RYR3: variants seen among roughly 807,000 people sequenced by gnomAD.
RYR3 encodes ryanodine receptor 3, also known as brain ryanodine receptor-calcium release channel.
Under a neutral mutation model 584.3 loss-of-function variants are expected in RYR3, and 207 were observed. The ratio of observed to expected loss-of-function variants is 0.35; its 90% CI spans 0.32 to 0.40. The LOEUF is 0.40. RYR3 is among the 10% of genes least tolerant of loss of function. The pLI, the probability that RYR3 is intolerant of heterozygous loss-of-function variation, is 1.00. For synonymous variants in RYR3, 2,416 were observed against 2,248.5 expected (o/e 1.07, Z -2.11); for missense variants, 5,616 against 6,089.2 (o/e 0.92, Z 2.59).
At chr15:33,468,487 C>T (rs1481193173) in intron 1 of RYR3, among the ~76,000 whole-genome samples, 2 of 152,108 alleles carry the variant, frequency 1.3e-5, no homozygotes, top group South Asian at 2.1e-4. Context: ...TTTTAAATGC[C>T]AGCATCTGTT....
intron 31 of RYR3, among the ~76,000 whole-genome samples, chr15:33,650,700 G>A (rs1452155351): frequency 1.3e-5 from 2 of 152,028 alleles, no homozygotes; most frequent in East Asian, 3.9e-4. Context: ...ACTGAACCCT[G>A]GTATAGGAAA....
At chr15:33,858,245 C>T (rs2079923902) in intron 99 of RYR3, 1 of 236,782 alleles carries the variant, frequency 4.2e-6, no homozygotes, top group Non-Finnish European at 8.3e-6. Context: ...GCTTTTGTCG[C>T]CCAGGCTGGA....
rs151262610 is a variant in RYR3, at chr15:33,829,361, G to A, written c.11335-1602G>A. Among the ~76,000 whole-genome samples the A allele has an allele frequency of 2.6e-5, 4 of 152,230 alleles. No individual in the cohort carries two copies. The East Asian group carries it at 7.7e-4, about 29-fold the overall frequency. On this transcript the variant is annotated intron_variant, in intron 85 of 103. Transcript: ENST00000634891. ...TTTTTTAAGAAATGCATTTCGTAAG[G>A]CTACAGCTGCTACAGATAGTGATTC... is the stretch of plus-strand genomic sequence containing the variant.
intron 74 of RYR3, chr15:33,815,928 T>G: frequency 2.5e-6 from 1 of 398,604 alleles, no homozygotes; most frequent in Non-Finnish European, 4.4e-6. Context: ...TATACCCATT[T>G]TAATGGTAAT....
chr15:33,659,963 T>C (rs1365971762), intron 33 of RYR3, among the ~76,000 whole-genome samples, 157 bp downstream of exon 33: 2 of 152,200 alleles, frequency 1.3e-5, no homozygotes, highest in Non-Finnish European at 2.9e-5. Context: ...ATTCAGATGG[T>C]AGAATATGCA....
intron 102 of RYR3, among the ~76,000 whole-genome samples, chr15:33,863,805 G>A (rs905332076): frequency 6.6e-6 from 1 of 152,036 alleles, no homozygotes; most frequent in Non-Finnish European, 1.5e-5. Flanking sequence ...ATATTCTATG[G>A]TAAGAATTTG....
chr15:33,576,800 T>G (rs2152506917), intron 12 of RYR3, among the ~76,000 whole-genome samples: 1 of 152,270 alleles, frequency 6.6e-6, no homozygotes, highest in African/African-American at 2.4e-5. Context: ...TAAAGGGTAT[T>G]CACACAGGAA....
At chr15:33,445,609 C>CT (rs1384692900) in intron 1 of RYR3, among the ~76,000 whole-genome samples, 1 of 149,954 alleles carries the variant, frequency 6.7e-6, no homozygotes, top group East Asian at 2.0e-4. Context: ...ATATAAATTC[C>CT]TTTCCCTCCT....
intron 36 of RYR3, among the ~76,000 whole-genome samples, chr15:33,668,062 T>TAA (rs764522104): frequency 1.2e-4 from 1 of 8,434 alleles, no homozygotes. Context: ...GACTCAGTCT[T>TAA]GAAAAAAAAA....
At chr15:33,845,133 C>G (rs1264482964) in intron 93 of RYR3, 71 bp downstream of exon 93, 2 of 1,516,700 alleles carry the variant, frequency 1.3e-6, no homozygotes, top group Non-Finnish European at 1.8e-6. Flanking sequence ...GCCCAGCCAG[C>G]CCTTTGCTCT....
chr15:33,772,828 C>T (rs1235640278), intron 63 of RYR3, among the ~76,000 whole-genome samples: 1 of 152,124 alleles, frequency 6.6e-6, no homozygotes, highest in South Asian at 2.1e-4. Flanking sequence ...GAAGAACATC[C>T]AAACTCATTA....
intron 94 of RYR3, chr15:33,851,549 A>G (rs973830800): frequency 6.6e-6 from 1 of 152,186 alleles, no homozygotes; most frequent in Non-Finnish European, 1.5e-5. Context: ...AAGGACTCGT[A>G]ACAAGTAAAA....
chr15:33,491,884 G>A (rs747564634), intron 2 of RYR3, among the ~76,000 whole-genome samples: 3 of 152,122 alleles, frequency 2.0e-5, no homozygotes, highest in Admixed American at 6.5e-5. Flanking sequence ...TCATGCCCTG[G>A]GTGAAAGATG....
intron 2 of RYR3, among the ~76,000 whole-genome samples, chr15:33,490,411 C>T (rs937052719): frequency 6.6e-6 from 1 of 152,190 alleles, no homozygotes; most frequent in African/African-American, 2.4e-5. Context: ...TAATACTTCA[C>T]TGTACATCCC....
chr15:33,729,004 G>C lies in RYR3; in HGVS notation c.7181G>C (p.Arg2394Thr). Residue 2394 changes from arginine to threonine, a missense_variant, in exon 47 of 104, where the codon AGA becomes ACA. Physicochemically the swap from Arg to Thr is moderately conservative, Grantham distance 71 (BLOSUM62 -1). Around this residue, in one of 9 missense-constraint regions of RYR3, gnomAD observed 1,280 missense variants for 1,426.2 expected, o/e 0.90. Transcript: ENST00000634891. Reference protein sequence around the residue: ...LLEVGFLPDLRASASLDTVSL... With the variant: ...LLEVGFLPDLTASASLDTVSL... ...GAGGTTGGATTTTTACCTGACCTAA[G>C]AGCTTCTGCCTCTCTAGATACAGTA... 2 of 1,613,888 alleles carry C rather than the reference G, an allele frequency of 1.2e-6. No individual in the cohort carries two copies. Among genetic ancestry groups the C allele is most frequent in the Admixed American group, 1.7e-5 (1 of 60,018 alleles).
chr15:33,495,690 C>T (rs2051355621), intron 2 of RYR3, among the ~76,000 whole-genome samples: 1 of 152,108 alleles, frequency 6.6e-6, no homozygotes. Flanking sequence ...TTGTAGAAAT[C>T]CAGAGAGTAG....
intron 102 of RYR3, among the ~76,000 whole-genome samples, chr15:33,863,069 T>A (rs1889025622): frequency 6.6e-6 from 1 of 152,302 alleles, no homozygotes; most frequent in East Asian, 1.9e-4. Context: ...AGTGGAAGGA[T>A]GCTGTCCTTT....
At chr15:33,400,669 T>G (rs968419317) in intron 1 of RYR3, among the ~76,000 whole-genome samples, 1 of 152,160 alleles carries the variant, frequency 6.6e-6, no homozygotes, top group Non-Finnish European at 1.5e-5. Flanking sequence ...GGTAGTAGAG[T>G]AGGGGTGCTT....
In RYR3 at chr15:33,660,359, G is replaced by A. The variant is rs779051107; in HGVS notation, c.4558G>A (p.Gly1520Ser). The A allele has an allele frequency of 1.9e-5, 31 of 1,591,308 alleles. No homozygotes were observed. The highest frequency in any genetic ancestry group is 4.6e-5 in the East Asian group (2 of 43,652). The stretch of plus-strand genomic sequence containing the variant: ...GACCGAGCGTGTGAGCGAGCGCCAC[G>A]GCTGGGTGGTGCAGTGCCTGGAGCC... ...VETERVSERHGWVVQCLEPLQ... is the reference protein window; with the variant it reads ...VETERVSERHSWVVQCLEPLQ... Residue 1520 changes from glycine (G) to serine (S), a missense_variant, in exon 34 of 104, where the codon GGC (glycine) becomes AGC (serine). Transcript: ENST00000634891.
Sources: gnomAD v4.1 joint callset for allele counts (sites outside exome capture counted in the v4.1 genomes callset) on GRCh38, gnomAD v4.1.1 for gene constraint, gnomAD v4.1.1 regional missense constraint, MANE v1.5 for transcripts, NCBI Gene and HGNC (gene_info 2026-07-23, HGNC 2026-07-21) for gene names.